TPP2: variants seen among roughly 807,000 people sequenced by gnomAD.
TPP2 encodes the protein tripeptidyl peptidase 2, also known as tripeptidyl-peptidase 2.
In TPP2, 34 loss-of-function variants were observed where a neutral mutation model predicts 155.9. The ratio of observed to expected loss-of-function variants is 0.22; its 90% CI spans 0.17 to 0.29. The LOEUF is 0.29. Ranked by LOEUF, TPP2 falls within the 10% of genes least tolerant of loss-of-function variation. TPP2 has a pLI of 1.00. For missense variants in TPP2, 1,028 were observed against 1,522.3 expected (o/e 0.68, Z 5.40); for synonymous variants, 510 against 529.4 (o/e 0.96, Z 0.50).
At chr13:102,630,053 C>A in intron 9 of TPP2, 43 bp from the exon 10 acceptor site, 1 of 1,536,518 alleles carries the variant, frequency 6.5e-7, no homozygotes, top group Non-Finnish European at 9.0e-7. Flanking sequence ...GAATCAGGAT[C>A]CCCGTTTGTT....
intron 27 of TPP2, chr13:102,667,629 G>A: frequency 4.0e-6 from 2 of 501,966 alleles, no homozygotes; most frequent in African/African-American, 2.1e-5. Flanking sequence ...CAAAACCTAA[G>A]GAGAGGAAAG....
intron 5 of TPP2, among the ~76,000 whole-genome samples, chr13:102,619,286 T>C (rs531178531): frequency 6.6e-6 from 1 of 152,356 alleles, no homozygotes; most frequent in Non-Finnish European, 1.5e-5. Flanking sequence ...ACCCATCATG[T>C]ACGTTTTTTA....
chr13:102,648,923 A>G lies in TPP2; in HGVS notation c.2645A>G (p.Glu882Gly), dbSNP rs774013318. The change falls in exon 22 of 30, where the codon GAG becomes GGG. Residue 882 changes from glutamate (E) to glycine (G), a missense_variant. Physicochemically the swap from Glu to Gly is moderately conservative, Grantham distance 98. Around this residue, in one of 7 missense-constraint regions of TPP2, gnomAD observed 179 missense variants for 274.7 expected, o/e 0.65. Transcript: ENST00000376052. Reference sequence around the variant, plus strand: ...CTTTTTCAGTATTCTTTGAAACTGGAGAAAGGAGATTATACAATTCGACTA... The same window carrying G: ...CTTTTTCAGTATTCTTTGAAACTGGGGAAAGGAGATTATACAATTCGACTA... ...AYPHQYSLKL[E>G]KGDYTIRLQI... The G allele has an allele frequency of 6.3e-7, 1 of 1,595,228 alleles. No individual in the cohort carries two copies. Among genetic ancestry groups the G allele is most frequent in the Non-Finnish European group, 8.5e-7 (1 of 1,174,754 alleles).
intron 1 of TPP2, among the ~76,000 whole-genome samples, chr13:102,602,892 A>AGTTTTTTT (rs371075305): frequency 3.4e-5 from 5 of 148,350 alleles, no homozygotes; most frequent in Admixed American, 2.0e-4. Context: ...TTGAGGATGG[A>AGTTTTTTT]GTTTTTTTGT....
intron 2 of TPP2, among the ~76,000 whole-genome samples, chr13:102,607,148 GC>G (rs1345660829): frequency 3.3e-5 from 5 of 152,162 alleles, no homozygotes; most frequent in African/African-American, 1.2e-4. Flanking sequence ...TGAGCTTCCA[GC>G]CCCTAGAACT....
rs1416619166 is a variant in TPP2 at position 102,618,693 on chromosome 13, T to C, written c.496-29T>C. The C allele has an allele frequency of 2.5e-6, 4 of 1,611,520 alleles. No individual in the cohort carries two copies. In the South Asian group the frequency reaches 4.4e-5, roughly 18 times the overall value. On this transcript the variant is annotated intron_variant, in intron 4 of 29. Coordinates refer to ENST00000376052, the MANE Select transcript of TPP2 (RefSeq NM_001330588.2). ...CAACTTTTAGAAGGACAGAATGTAC[T>C]AATGTTAATCAGTTTTCCAACTGAC... is the stretch of plus-strand genomic sequence containing the variant.
At chr13:102,650,184 T>C (rs1372112634) in intron 23 of TPP2, among the ~76,000 whole-genome samples, 2 of 152,196 alleles carry the variant, frequency 1.3e-5, no homozygotes, top group Non-Finnish European at 2.9e-5. Context: ...GATGTTTATA[T>C]AGATCTATCA....
chr13:102,616,588 A>T, intron 4 of TPP2, 88 bp downstream of exon 4: 1 of 1,119,272 alleles, frequency 8.9e-7, no homozygotes, highest in Non-Finnish European at 1.2e-6. Flanking sequence ...TTTTTCCACA[A>T]GTTTTCTTTT....
intron 23 of TPP2, 129 bp downstream of exon 23, chr13:102,649,615 CT>C (rs1883360825): frequency 8.3e-6 from 6 of 723,328 alleles, no homozygotes; most frequent in Admixed American, 3.2e-5. Flanking sequence ...AAATTTAATC[CT>C]TTTTTCCCAG....
intron 24 of TPP2, among the ~76,000 whole-genome samples, chr13:102,653,327 C>T (rs1256735561): frequency 6.6e-6 from 1 of 152,048 alleles, no homozygotes; most frequent in Non-Finnish European, 1.5e-5. Context: ...GTTTCAGTGA[C>T]TTGATTTGAA....
At chr13:102,637,021 T>A in intron 13 of TPP2, 61 bp from the exon 14 acceptor site, 54 of 1,509,200 alleles carry the variant, frequency 3.6e-5, no homozygotes, top group East Asian at 9.5e-5. Context: ...AGATGTAACA[T>A]TTTTAAATGG....
At chr13:102,647,041 T>A (rs1447095457) in intron 20 of TPP2, among the ~76,000 whole-genome samples, 166 bp from the exon 21 acceptor site, 2 of 152,184 alleles carry the variant, frequency 1.3e-5, no homozygotes, top group Non-Finnish European at 2.9e-5. Flanking sequence ...AGCAGTGACT[T>A]TTATAAGTGC....
rs1346501462 is a variant in TPP2, at chr13:102,629,621, GT to G, written c.1144+16del. ...ATCAAGTGTGATAGGTTAGTTTCCTGTTTTAGAAATAGATTTGTTTAGAAAC... is the reference window on the plus strand; with the variant it reads ...ATCAAGTGTGATAGGTTAGTTTCCTGTTTAGAAATAGATTTGTTTAGAAAC... On this transcript the variant is annotated intron_variant, in intron 9 of 29. Transcript: ENST00000376052. 2 of 1,541,710 alleles carry G rather than the reference GT, an allele frequency of 1.3e-6. No individual in the cohort carries two copies. Among genetic ancestry groups the G allele is most frequent in the Admixed American group, 4.9e-5 (2 of 40,480 alleles).
At chr13:102,676,101 A>G (rs537844759) in intron 28 of TPP2, among the ~76,000 whole-genome samples, 195 bp from the exon 29 acceptor site, 81 of 152,282 alleles carry the variant, frequency 5.3e-4, no homozygotes, top group Admixed American at 2.0e-3. Flanking sequence ...CAAAAAACAG[A>G]TGGTTCATTC....
rs542415340 is a variant in TPP2, at chr13:102,597,261, G to T, written c.165+58G>T. Reference sequence around the variant, plus strand: ...GCGCGGGCGGCCGGGGACGCGGGTGGGGACACAGTCTCGGAGCCCGGCAGG... The same window carrying T: ...GCGCGGGCGGCCGGGGACGCGGGTGTGGACACAGTCTCGGAGCCCGGCAGG... On this transcript the variant is annotated intron_variant, in intron 1 of 29. Transcript: ENST00000376052. The T allele has an allele frequency of 6.8e-4, 709 of 1,039,684 alleles. 4 individuals are homozygous for T. In the African/African-American group the frequency reaches 0.011, roughly 16 times the overall value. The allele number at this position is 1,039,684 out of a possible 1,614,324, so 64.4% of individuals were successfully genotyped here. A position where few individuals can be genotyped will look rare whatever the true frequency, so the allele number is the denominator to read the frequency against.
chr13:102,606,621 C>G (rs988504269), intron 2 of TPP2, among the ~76,000 whole-genome samples: 2 of 152,214 alleles, frequency 1.3e-5, no homozygotes, highest in Non-Finnish European at 2.9e-5. Flanking sequence ...AGTTCAGGCC[C>G]GCTGAGAATC....
At chr13:102,630,682 C>T (rs61203455) in intron 10 of TPP2, among the ~76,000 whole-genome samples, 22,720 of 152,056 alleles carry the variant, frequency 0.15, 2,040 homozygotes, top group African/African-American at 0.25. Flanking sequence ...GAAATGAAGT[C>T]TATCTCTTTT....
Position 102,640,269 on chromosome 13 carries a change from G to T in TPP2, c.1914-1G>T. The T allele has an allele frequency of 6.3e-7, 1 of 1,580,372 alleles. No homozygotes were observed. ...ATTTAATTACTTTTATTAATTTTCA[G>T]AGTAAATGAATCATCACATTATGAT... On this transcript the variant is annotated splice_acceptor_variant, in intron 15 of 29. Transcript: ENST00000376052. LOFTEE classifies it high-confidence loss of function.
chr13:102,636,602 A>G (rs948803831), intron 13 of TPP2, among the ~76,000 whole-genome samples: 1 of 152,214 alleles, frequency 6.6e-6, no homozygotes, highest in Admixed American at 6.5e-5. Context: ...TTAAACTACC[A>G]GGGAAAACAG....
Sources: gnomAD v4.1 joint callset for allele counts (sites outside exome capture counted in the v4.1 genomes callset) on GRCh38, gnomAD v4.1.1 for gene constraint, gnomAD v4.1.1 regional missense constraint, MANE v1.5 for transcripts, NCBI Gene and HGNC (gene_info 2026-07-23, HGNC 2026-07-21) for gene names.